Variants in FADS2 observed in about 807,000 individuals in gnomAD.
The protein encoded by FADS2 is acyl-CoA 6-desaturase.
A neutral mutation model predicts 61.2 loss-of-function variants in FADS2; 18 were observed. The observed-to-expected ratio is 0.29, with a 90% CI of 0.20 to 0.44. The LOEUF (loss-of-function observed/expected upper bound fraction) is 0.44, where lower values mean the gene tolerates loss of function less well. Ranked by LOEUF, FADS2 falls within the 20% of genes least tolerant of loss-of-function variation. The pLI is 1.00. For synonymous variants in FADS2, 203 were observed against 223.9 expected (o/e 0.91, Z 0.83); for missense variants, 322 against 572.7 (o/e 0.56, Z 4.47).
intron 4 of FADS2, among the ~76,000 whole-genome samples, chr11:61,845,143 C>G (rs2067247259): frequency 7.2e-6 from 1 of 138,636 alleles, no homozygotes; most frequent in South Asian, 2.5e-4. Flanking sequence ...CTGGAGCACT[C>G]TACACTCCCC....
intron 4 of FADS2, among the ~76,000 whole-genome samples, chr11:61,845,028 C>T (rs1383829391): frequency 5.9e-5 from 7 of 119,562 alleles, no homozygotes; most frequent in African/African-American, 9.3e-5. Context: ...GCCAGAAGTG[C>T]ACTTTTTTTT....
At chr11:61,859,727 T>TGGGCGC (rs200277307) in intron 7 of FADS2, among the ~76,000 whole-genome samples, 14,922 of 152,190 alleles carry the variant, frequency 0.098, 1,108 homozygotes, top group African/African-American at 0.2. Flanking sequence ...TCACTCATGC[T>TGGGCGC]TGTTATCCCA....
Position 61,865,131 on chromosome 11 carries a change from C to A in FADS2, c.1158-21C>A. 1 of 1,607,392 alleles carries A rather than the reference C, an allele frequency of 6.2e-7. No individual in the cohort carries two copies. The highest frequency in any genetic ancestry group is 1.1e-5 in the South Asian group (1 of 90,684). ...TGGCCCTCTGAGTCCTCACGCTCTG[C>A]CCACCCTACACACTCCTCAGCCTCT... On this transcript the variant is annotated intron_variant, in intron 10 of 11. Coordinates refer to ENST00000278840, the MANE Select transcript of FADS2 (RefSeq NM_004265.4). The surrounding 1 kb of genome is among the most constrained non-coding windows in gnomAD (Gnocchi z 4.1).
intron 2 of FADS2, among the ~76,000 whole-genome samples, chr11:61,839,883 T>A (rs1348456738): frequency 2.6e-5 from 4 of 152,252 alleles, no homozygotes; most frequent in African/African-American, 9.6e-5. Flanking sequence ...CTGGCCTGTT[T>A]CCCTTAGCAT....
At position 61,816,296 on chromosome 11, in the gene FADS2, G is replaced by A; in HGVS notation, c.11G>A (p.Arg4Lys). The A allele has an allele frequency of 1.9e-6, 3 of 1,598,374 alleles. No homozygotes were observed. Among genetic ancestry groups the A allele is most frequent in the East Asian group, 2.2e-5 (1 of 44,870 alleles). ...GGGGCTGCAGATGGAATGCACGGCA[G>A]GGAGGCGGGACCCTTTGTTTGTGTG... is the stretch of plus-strand genomic sequence containing the variant. The change falls in exon 1 of 12, where the codon AGG (arginine) becomes AAG (lysine). Residue 4 changes from arginine (R) to lysine (K), a missense_variant. By Grantham distance (26) the Arg-to-Lys change is conservative. Transcript: ENST00000257261. This position sits in a 1 kb window ranked among gnomAD's most constrained non-coding sequence, Gnocchi z 7.0.
chr11:61,846,573 ATGTT>A, intron 4 of FADS2: 1 of 152,176 alleles, frequency 6.6e-6, no homozygotes, highest in South Asian at 2.1e-4. Flanking sequence ...CCCAAGTAAA[ATGTT>A]TGTTTAGCAA....
Position 61,857,003 on chromosome 11 carries a change from C to A in FADS2, c.745-8C>A. The A allele has an allele frequency of 1.2e-6, 2 of 1,612,940 alleles. No individual in the cohort carries two copies. The highest frequency in any genetic ancestry group is 1.7e-6 in the Non-Finnish European group (2 of 1,178,992). ...ACTGGGTGCTCATGATCTCTCCTCT[C>A]TCCTCAGTACGGCAAGAAGAAGCTG... On this transcript the variant is annotated splice_polypyrimidine_tract_variant and splice_region_variant and intron_variant, in intron 5 of 11. Transcript: ENST00000278840.
chr11:61,834,844 TC>T (rs1813930751), intron 1 of FADS2, among the ~76,000 whole-genome samples: 1 of 152,060 alleles, frequency 6.6e-6, no homozygotes, highest in African/African-American at 2.4e-5. Context: ...TCCGGGCCTC[TC>T]CCAGGGCCTT....
At chr11:61,821,488 C>T in intron 1 of FADS2, 1 of 695,450 alleles carries the variant, frequency 1.4e-6, no homozygotes, top group Non-Finnish European at 2.6e-6. Flanking sequence ...AATTTTGATC[C>T]ATTTTAACAA....
chr11:61,839,635 G>A (rs77020029), intron 2 of FADS2, among the ~76,000 whole-genome samples: 9,541 of 152,150 alleles, frequency 0.063, 385 homozygotes, highest in African/African-American at 0.11. Context: ...CAACCATTTT[G>A]GTCATTTGAC....
intron 4 of FADS2, chr11:61,846,702 A>G (rs778230517): frequency 6.6e-6 from 1 of 152,170 alleles, no homozygotes; most frequent in African/African-American, 2.4e-5. Flanking sequence ...TCGCTGGGCA[A>G]CTGTCGAGGG....
At chr11:61,845,435 G>T (rs990367369) in intron 4 of FADS2, among the ~76,000 whole-genome samples, 1 of 152,196 alleles carries the variant, frequency 6.6e-6, no homozygotes, top group Non-Finnish European at 1.5e-5. Context: ...TGGGCAAGGC[G>T]GGCTTCCCGG....
At chr11:61,828,028 G>A, upstream of FADS2, 1 of 1,144,646 alleles carries the variant, frequency 8.7e-7, no homozygotes, top group Non-Finnish European at 1.1e-6. The surrounding 1 kb of genome is among the most constrained non-coding windows in gnomAD (Gnocchi z 6.4). Flanking sequence ...AACGCGGGAG[G>A]ATGTGGAACC....
At position 61,863,757 on chromosome 11, in the gene FADS2, T is replaced by G. The variant is rs377337685; in HGVS notation, c.1128T>G (p.Ser376Arg). 6.2e-7 allele frequency: 1 copy of G among 1,614,104 alleles called. No individual in the cohort carries two copies. Among genetic ancestry groups the G allele is most frequent in the Non-Finnish European group, 8.5e-7 (1 of 1,179,970 alleles). The part of the protein sequence containing the change: ...VEQSFFNDWF[S>R]GHLNFQIEHH... ...AGTCCTTCTTCAACGACTGGTTCAG[T>G]GGACACCTTAACTTCCAGATTGAGC... Residue 376 changes from serine (S) to arginine (R), a missense_variant, in exon 10 of 12, where the codon AGT becomes AGG. By Grantham distance (110) the Ser-to-Arg change is moderately radical. Transcript: ENST00000278840.
At chr11:61,857,620 C>T in intron 7 of FADS2, 90 bp downstream of exon 7, 3 of 1,180,230 alleles carry the variant, frequency 2.5e-6, no homozygotes, top group South Asian at 2.5e-5. Context: ...CTCGTGTGCC[C>T]CAGTGGAGCC....
intron 7 of FADS2, among the ~76,000 whole-genome samples, chr11:61,860,059 T>C (rs1345792142): frequency 6.6e-6 from 1 of 152,230 alleles, no homozygotes; most frequent in Non-Finnish European, 1.5e-5. Context: ...GATGAGCCCA[T>C]GGGGCTTTCA....
chr11:61,840,053 A>G (rs2067205525), intron 2 of FADS2, among the ~76,000 whole-genome samples: 1 of 152,198 alleles, frequency 6.6e-6, no homozygotes, highest in Non-Finnish European at 1.5e-5. Flanking sequence ...ATGTGAATAG[A>G]GCTATGAACA....
In FADS2 at chr11:61,828,716, G is replaced by A; in HGVS notation, c.207+119G>A. 2.4e-6 allele frequency: 2 copies of A among 837,518 alleles called. No homozygotes were observed. The highest frequency in any genetic ancestry group is 3.8e-6 in the Non-Finnish European group (2 of 532,058). The allele number at this position is 837,518 out of a possible 1,614,324, so 51.9% of individuals were successfully genotyped here. A position where few individuals can be genotyped will look rare whatever the true frequency, so the allele number is the denominator to read the frequency against. ...AATGGAGCTTGGGACGTCCTGTAGG[G>A]AAGGAAAGTGCATCTATTGCACTCG... On this transcript the variant is annotated intron_variant, in intron 1 of 11. Coordinates refer to ENST00000278840, the MANE Select transcript of FADS2 (RefSeq NM_004265.4). This position sits in a 1 kb window ranked among gnomAD's most constrained non-coding sequence, Gnocchi z 6.4.
intron 5 of FADS2, among the ~76,000 whole-genome samples, chr11:61,853,335 T>TTCCTTC (rs1565334638): frequency 1.3e-5 from 1 of 74,558 alleles, no homozygotes; most frequent in Non-Finnish European, 2.9e-5. Context: ...TTCCTTCCTT[T>TTCCTTC]CCTTCTTTCT....
Sources: gnomAD v4.1 joint callset for allele counts (sites outside exome capture counted in the v4.1 genomes callset) on GRCh38, gnomAD v4.1.1 for gene constraint, Gnocchi (gnomAD v3.1) non-coding constraint, MANE v1.5 for transcripts, NCBI Gene and HGNC (gene_info 2026-07-23, HGNC 2026-07-21) for gene names.